SMIM20: variants seen among roughly 807,000 people sequenced by gnomAD.
The protein encoded by SMIM20 is small integral membrane protein 20, also known as mitochondrial translation regulation assembly intermediate of cytochrome c oxidase protein of 7 kDa.
SMIM20 carries 3 observed loss-of-function variants against 8.7 expected under a neutral mutation model. The ratio of observed to expected loss-of-function variants is 0.34; its 90% CI spans 0.16 to 0.89. The LOEUF (loss-of-function observed/expected upper bound fraction) is 0.89, where lower values mean the gene tolerates loss of function less well. Among genes scored for constraint, SMIM20 ranks in the 40% least tolerant of loss-of-function variants. The pLI, the probability that SMIM20 is intolerant of heterozygous loss-of-function variation, is 0.49. For synonymous variants in SMIM20, 44 were observed against 33.6 expected (o/e 1.31, Z -1.07); for missense variants, 85 against 84.8 (o/e 1.00, Z -0.01).
intron 1 of SMIM20, among the ~76,000 whole-genome samples, chr4:25,917,937 T>C (rs1719120712): frequency 6.9e-6 from 1 of 144,276 alleles, no homozygotes; most frequent in African/African-American, 2.6e-5. Flanking sequence ...AGGTCAGTTT[T>C]TTTTTTTTGT....
rs1577363215 is a variant in SMIM20 at position 25,929,075 on chromosome 4, A to T, written c.167-79A>T. On this transcript the variant is annotated intron_variant, in intron 2 of 2. Transcript: ENST00000506197. ...AATTGCACAGCTCAGTTCTGATGTC[A>T]TTTTGTTTGTTTGGGGTGGAGGAAA... 5 of 1,504,758 alleles carry T rather than the reference A, an allele frequency of 3.3e-6. No individual in the cohort carries two copies. The East Asian group carries it at 1.2e-4, about 37-fold the overall frequency. The allele number at this position is 1,504,758 out of a possible 1,614,324, so 93.2% of individuals were successfully genotyped here.
At chr4:25,928,520 C>G (rs1711572069) in intron 2 of SMIM20, among the ~76,000 whole-genome samples, 151 bp downstream of exon 2, 2 of 152,188 alleles carry the variant, frequency 1.3e-5, no homozygotes, top group African/African-American at 4.8e-5. Flanking sequence ...TCAACAGTTG[C>G]CATTTATAGA....
At chr4:25,922,033 C>T (rs1203220006) in intron 1 of SMIM20, among the ~76,000 whole-genome samples, 1 of 152,180 alleles carries the variant, frequency 6.6e-6, no homozygotes, top group Non-Finnish European at 1.5e-5. Context: ...TATTGTTAAA[C>T]ATGCTTTCAG....
intron 1 of SMIM20, among the ~76,000 whole-genome samples, chr4:25,926,838 A>T (rs1293742808): frequency 2.6e-5 from 4 of 152,228 alleles, no homozygotes; most frequent in African/African-American, 7.2e-5. Context: ...CCTTTTAGTT[A>T]GATACAGAAA....
At chr4:25,923,762 C>G (rs6448416) in intron 1 of SMIM20, among the ~76,000 whole-genome samples, 2 of 152,206 alleles carry the variant, frequency 1.3e-5, no homozygotes, top group Admixed American at 6.5e-5. Flanking sequence ...CTTACCTTGT[C>G]AGGGCATTTT....
intron 1 of SMIM20, among the ~76,000 whole-genome samples, chr4:25,921,593 T>C (rs1481972944): frequency 6.6e-6 from 1 of 152,188 alleles, no homozygotes; most frequent in Admixed American, 6.5e-5. Context: ...GCTGATGTGC[T>C]CTTTGAGATT....
chr4:25,923,045 T>TA (rs1719226271), intron 1 of SMIM20, among the ~76,000 whole-genome samples: 2 of 152,222 alleles, frequency 1.3e-5, no homozygotes, highest in Non-Finnish European at 2.9e-5. Flanking sequence ...TCCTAAGTGT[T>TA]ATGTGGAGTA....
At chr4:25,922,329 G>A (rs1719214972) in intron 1 of SMIM20, among the ~76,000 whole-genome samples, 1 of 152,152 alleles carries the variant, frequency 6.6e-6, no homozygotes, top group African/African-American at 2.4e-5. Flanking sequence ...AAAGAGCCTT[G>A]GACCAAAGGC....
chr4:25,928,875 C>T (rs756430372), intron 2 of SMIM20, among the ~76,000 whole-genome samples: 10 of 152,214 alleles, frequency 6.6e-5, no homozygotes, highest in Non-Finnish European at 1.2e-4. Flanking sequence ...CTCTTATAAT[C>T]TGTGGCAACA....
chr4:25,919,361 GAC>G (rs1719156747), intron 1 of SMIM20, among the ~76,000 whole-genome samples: 1 of 148,926 alleles, frequency 6.7e-6, no homozygotes, highest in African/African-American at 2.5e-5. Context: ...TTTTTCTTGA[GAC>G]AGTCTTGCTC....
chr4:25,914,277 G>C lies in SMIM20; in HGVS notation c.-37G>C. 1 of 1,531,820 alleles carries C rather than the reference G, an allele frequency of 6.5e-7. No individual in the cohort carries two copies. The highest frequency in any genetic ancestry group is 2.1e-5 in the Admixed American group (1 of 47,882). 94.9% of individuals were successfully genotyped at this position (1,531,820 alleles called of 1,614,324 possible). On this transcript the variant is annotated 5_prime_UTR_variant, in exon 1 of 3. Coordinates refer to ENST00000506197, the MANE Select transcript of SMIM20 (RefSeq NM_001145432.3). The stretch of plus-strand genomic sequence containing the variant: ...GTAACCTGGTTTCCGAGAGTGCCGG[G>C]CGGTCGGCGGGTCAGGGCAGCCCGG...
chr4:25,920,828 C>T (rs748913892), intron 1 of SMIM20, among the ~76,000 whole-genome samples: 4 of 152,194 alleles, frequency 2.6e-5, no homozygotes, highest in Admixed American at 6.5e-5. Flanking sequence ...CAAATCTTTA[C>T]CATGTGTTAC....
intron 1 of SMIM20, among the ~76,000 whole-genome samples, chr4:25,919,427 C>T (rs1478036892): frequency 6.6e-6 from 1 of 151,456 alleles, no homozygotes; most frequent in Non-Finnish European, 1.5e-5. Flanking sequence ...CAACCTCTGC[C>T]TCCTGGATTC....
rs1359083368 is a variant in SMIM20 at position 25,914,363 on chromosome 4, T to A, written c.50T>A (p.Leu17Gln). The A allele has an allele frequency of 6.5e-7, 1 of 1,549,508 alleles. No individual in the cohort carries two copies. Among genetic ancestry groups the A allele is most frequent in the Non-Finnish European group, 8.7e-7 (1 of 1,145,690 alleles). ...CTCATTTTCGGCGGCTTCATCTCCCTGATCGGCGCCGCCTTCTATCCCATC... is the reference window on the plus strand; with the variant it reads ...CTCATTTTCGGCGGCTTCATCTCCCAGATCGGCGCCGCCTTCTATCCCATC... Reference protein sequence around the residue: ...TALIFGGFISLIGAAFYPIYF... With the variant: ...TALIFGGFISQIGAAFYPIYF... Residue 17 changes from leucine (L) to glutamine (Q), a missense_variant, in exon 1 of 3, where the codon CTG (leucine) becomes CAG (glutamine). By Grantham distance (113) the Leu-to-Gln change is moderately radical (BLOSUM62 -2). Coordinates refer to ENST00000506197, the MANE Select transcript of SMIM20 (RefSeq NM_001145432.3).
At chr4:25,925,560 G>A (rs1305621259) in intron 1 of SMIM20, among the ~76,000 whole-genome samples, 1 of 152,128 alleles carries the variant, frequency 6.6e-6, no homozygotes, top group Non-Finnish European at 1.5e-5. Flanking sequence ...GTATTTATTG[G>A]CAGGAAGAAA....
intron 1 of SMIM20, among the ~76,000 whole-genome samples, chr4:25,919,269 T>C (rs1577360655): frequency 6.6e-6 from 1 of 152,322 alleles, no homozygotes; most frequent in South Asian, 2.1e-4. Flanking sequence ...CTTTTAACTA[T>C]TGGATTGGAT....
chr4:25,917,489 C>T (rs759550616), intron 1 of SMIM20, among the ~76,000 whole-genome samples: 3 of 152,190 alleles, frequency 2.0e-5, no homozygotes, highest in Non-Finnish European at 4.4e-5. Context: ...GCTGACCTAG[C>T]AGTAAACTGG....
intron 1 of SMIM20, among the ~76,000 whole-genome samples, chr4:25,915,854 T>TGGGGGGGGGG (rs1267183562): frequency 1.6e-4 from 3 of 18,948 alleles, no homozygotes; most frequent in African/African-American, 2.1e-4. Context: ...CAACTTGGGA[T>TGGGGGGGGGG]GGGGCGGGGG....
intron 1 of SMIM20, among the ~76,000 whole-genome samples, chr4:25,924,907 G>GA (rs1448073000): frequency 2.6e-5 from 4 of 152,208 alleles, no homozygotes; most frequent in African/African-American, 9.6e-5. Context: ...GACACAAGTG[G>GA]AAAATACCAC....
Sources: gnomAD v4.1 joint callset for allele counts (sites outside exome capture counted in the v4.1 genomes callset) on GRCh38, gnomAD v4.1.1 for gene constraint, MANE v1.5 for transcripts, NCBI Gene and HGNC (gene_info 2026-07-23, HGNC 2026-07-21) for gene names.